TMEM244: variants seen among roughly 807,000 people sequenced by gnomAD.
TMEM244 encodes transmembrane protein 244.
In TMEM244, 13 loss-of-function variants were observed where a neutral mutation model predicts 15.8. The ratio of observed to expected loss-of-function variants is 0.82; its 90% confidence interval spans 0.53 to 1.30. The LOEUF is 1.30. Ranked by LOEUF, TMEM244 falls within the 50% of genes most tolerant of loss-of-function variation. The pLI is 0.00. For missense variants in TMEM244, 161 were observed against 144.9 expected (o/e 1.11, Z -0.57); for synonymous variants, 45 against 48.7 (o/e 0.92, Z 0.32).
chr6:129,834,564 C>A (rs555787074), intron 3 of TMEM244, among the ~76,000 whole-genome samples: 2 of 152,278 alleles, frequency 1.3e-5, no homozygotes, highest in East Asian at 3.9e-4. Context: ...ATCCAGCAAG[C>A]CAGTGATTGC....
At chr6:129,834,484 A>AG (rs34283355) in intron 3 of TMEM244, among the ~76,000 whole-genome samples, 8 of 151,614 alleles carry the variant, frequency 5.3e-5, no homozygotes, top group Non-Finnish European at 1.0e-4. Flanking sequence ...AAATCTAAGC[A>AG]AACTCTATAT....
chr6:129,846,641 C>T lies in TMEM244; in HGVS notation c.34-789G>A, dbSNP rs1776564462. Reference sequence around the variant, plus strand: ...AACTTGACAAAATGATTCTAAACCTCAGCTGTGATAATAATATAATCTTGC... The same window carrying T: ...AACTTGACAAAATGATTCTAAACCTTAGCTGTGATAATAATATAATCTTGC... On this transcript the variant is annotated intron_variant, in intron 1 of 4. Transcript: ENST00000368143. 3.3e-5 allele frequency among the ~76,000 whole-genome samples: 5 copies of T among 152,134 alleles called. No homozygotes were observed. In the South Asian group the frequency reaches 1.0e-3, roughly 31 times the overall value.
At chr6:129,858,733 A>C (rs1384447149) in intron 1 of TMEM244, among the ~76,000 whole-genome samples, 1 of 152,134 alleles carries the variant, frequency 6.6e-6, no homozygotes, top group Admixed American at 6.6e-5. Flanking sequence ...ATATATTTTG[A>C]ATAATAATCA....
At chr6:129,844,107 A>G (rs1776530364) in intron 2 of TMEM244, among the ~76,000 whole-genome samples, 1 of 152,220 alleles carries the variant, frequency 6.6e-6, no homozygotes, top group Non-Finnish European at 1.5e-5. Flanking sequence ...AAAAGTTACA[A>G]AATGACACCT....
At chr6:129,831,669 TC>T (rs146152473) in intron 4 of TMEM244, among the ~76,000 whole-genome samples, 1,560 of 152,322 alleles carry the variant, frequency 0.01, 16 homozygotes, top group Non-Finnish European at 0.018. Context: ...CCGTCCTGAA[TC>T]CTCAATGCCT....
intron 1 of TMEM244, among the ~76,000 whole-genome samples, chr6:129,857,441 C>T (rs530356737): frequency 3.3e-5 from 5 of 151,924 alleles, no homozygotes; most frequent in Admixed American, 6.6e-5. Flanking sequence ...CCACAACCTC[C>T]GTCTCCTGGG....
At chr6:129,831,838 T>C (rs965172766) in intron 4 of TMEM244, among the ~76,000 whole-genome samples, 2 of 152,194 alleles carry the variant, frequency 1.3e-5, no homozygotes, top group Non-Finnish European at 2.9e-5. Flanking sequence ...TTGAACCAGC[T>C]ATACTCCAAG....
intron 1 of TMEM244, among the ~76,000 whole-genome samples, chr6:129,852,240 T>C (rs1776645123): frequency 1.3e-5 from 2 of 152,172 alleles, no homozygotes; most frequent in Non-Finnish European, 2.9e-5. Flanking sequence ...TTTTAAAAAA[T>C]AAATTTATTC....
Position 129,845,813 on chromosome 6 carries a change from A to G in TMEM244, c.73T>C (p.Tyr25His). The change falls in exon 2 of 5, where the codon TAC becomes CAC. Residue 25 changes from tyrosine to histidine, a missense_variant. Transcript: ENST00000368143. ...QKFLLCVILF[Y>H]TVYYVSLSMG... Reference sequence around the variant, plus strand: ...CTCAGGGACACATAGTACACAGTGTAGAAAAGAATGACACATAGAAGAAAC... The same window carrying G: ...CTCAGGGACACATAGTACACAGTGTGGAAAAGAATGACACATAGAAGAAAC... The G allele has an allele frequency of 6.2e-7, 1 of 1,613,540 alleles. No individual in the cohort carries two copies. Among genetic ancestry groups the G allele is most frequent in the South Asian group, 1.1e-5 (1 of 90,904 alleles).
At chr6:129,832,120 CAG>C (rs1780216358) in intron 4 of TMEM244, among the ~76,000 whole-genome samples, 1 of 133,610 alleles carries the variant, frequency 7.5e-6, no homozygotes. Context: ...TTTTCTGAGA[CAG>C]AGTCTTGCTC....
At position 129,845,716 on chromosome 6, in the gene TMEM244, C is replaced by T. The variant is rs529229542; in HGVS notation, c.119+51G>A. The stretch of plus-strand genomic sequence containing the variant: ...TGAAATGTTAAATATAAACATCTTT[C>T]CTATTCAATGTTAGCTTTTTAATTC... On this transcript the variant is annotated intron_variant, in intron 2 of 4. Coordinates refer to ENST00000368143, the MANE Select transcript of TMEM244 (RefSeq NM_001010876.2). The T allele has an allele frequency of 1.1e-4, 140 of 1,289,520 alleles. 1 individual carries two copies. The highest frequency in any genetic ancestry group is 4.9e-4 in the South Asian group (40 of 81,014). 79.9% of individuals were successfully genotyped at this position (1,289,520 alleles called of 1,614,324 possible).
intron 3 of TMEM244, 63 bp downstream of exon 3, chr6:129,843,467 A>C: frequency 8.5e-7 from 1 of 1,181,766 alleles, no homozygotes; most frequent in South Asian, 1.5e-5. Flanking sequence ...TTTATTAAAA[A>C]ATTTATGGGG....
At chr6:129,843,772 A>G (rs779084670) in intron 2 of TMEM244, among the ~76,000 whole-genome samples, 169 bp from the exon 3 acceptor site, 5 of 152,230 alleles carry the variant, frequency 3.3e-5, no homozygotes, top group Admixed American at 6.5e-5. Flanking sequence ...AATGAAGATA[A>G]TAATCTCTAT....
At chr6:129,832,309 G>C (rs151187595) in intron 4 of TMEM244, among the ~76,000 whole-genome samples, 40 of 152,082 alleles carry the variant, frequency 2.6e-4, no homozygotes, top group African/African-American at 9.4e-4. Flanking sequence ...CATTTGCCAG[G>C]CTGGTCTTCA....
At chr6:129,832,978 A>G (rs952336956) in intron 4 of TMEM244, among the ~76,000 whole-genome samples, 1 of 152,212 alleles carries the variant, frequency 6.6e-6, no homozygotes, top group African/African-American at 2.4e-5. Context: ...GTTGGTGATA[A>G]GTTGAATGTG....
chr6:129,856,982 A>G (rs1776721584), intron 1 of TMEM244, among the ~76,000 whole-genome samples: 1 of 152,016 alleles, frequency 6.6e-6, no homozygotes, highest in South Asian at 2.1e-4. Context: ...AATCATATAG[A>G]TTTTACACAC....
intron 2 of TMEM244, among the ~76,000 whole-genome samples, chr6:129,844,127 T>C (rs1776530772): frequency 6.6e-6 from 1 of 152,162 alleles, no homozygotes; most frequent in African/African-American, 2.4e-5. Context: ...TATTATATGA[T>C]ACCATTTGTA....
chr6:129,832,915 C>T (rs890473604), intron 4 of TMEM244, among the ~76,000 whole-genome samples: 3 of 152,096 alleles, frequency 2.0e-5, no homozygotes, highest in African/African-American at 4.8e-5. Flanking sequence ...AGTTTCTGCC[C>T]TCAGGGAAGG....
rs548657608 is a variant in TMEM244, at chr6:129,851,342, C to T, written c.34-5490G>A. 2.2e-4 allele frequency among the ~76,000 whole-genome samples: 34 copies of T among 152,258 alleles called. No individual in the cohort carries two copies. The East Asian group carries it at 5.8e-3, about 26-fold the overall frequency. ...GGAGTGCCATGGTTTGATCTTGGCT[C>T]ACTGCAACCTCCACCTCCCAGGCTC... On this transcript the variant is annotated intron_variant, in intron 1 of 4. Transcript: ENST00000368143.
Sources: gnomAD v4.1 joint callset for allele counts (sites outside exome capture counted in the v4.1 genomes callset) on GRCh38, gnomAD v4.1.1 for gene constraint, MANE v1.5 for transcripts, NCBI Gene and HGNC (gene_info 2026-07-23, HGNC 2026-07-21) for gene names.